Variants in IRAG2 observed in about 807,000 individuals in gnomAD.
IRAG2 encodes the protein lymphoid restricted membrane protein.
IRAG2 carries 45 observed loss-of-function variants against 69.9 expected under a neutral mutation model. The ratio of observed to expected loss-of-function variants is 0.64; its 90% confidence interval spans 0.51 to 0.83. The LOEUF (loss-of-function observed/expected upper bound fraction) is 0.83, where lower values mean the gene tolerates loss of function less well. Ranked by LOEUF, IRAG2 falls within the 40% of genes least tolerant of loss-of-function variation. The probability of loss-of-function intolerance (pLI) is 0.00; values close to 1 mark genes in which losing one functional copy is unlikely to be tolerated. For synonymous variants in IRAG2, 193 were observed against 202.4 expected (o/e 0.95, Z 0.40); for missense variants, 520 against 587.0 (o/e 0.89, Z 1.18).
chr12:25,017,018 TA>T (rs200270514), intron 5 of IRAG2: 71,332 of 568,526 alleles, frequency 0.13, 755 homozygotes, highest in East Asian at 0.19. Context: ...AGGGTAAAGT[TA>T]AAAAAAAAAA....
intron 2 of IRAG2, among the ~76,000 whole-genome samples, chr12:25,006,995 C>T (rs1944438388): frequency 6.6e-6 from 1 of 152,138 alleles, no homozygotes; most frequent in African/African-American, 2.4e-5. Context: ...CCCTGAGTAA[C>T]CATTGTTAGT....
At chr12:25,026,895 A>AT (rs535069834) in intron 9 of IRAG2, 34 of 1,106,466 alleles carry the variant, frequency 3.1e-5, no homozygotes, top group African/African-American at 6.5e-5. Flanking sequence ...CTGGTAAAAT[A>AT]TTTTTTTTCT....
chr12:25,081,108 A>G (rs1466265082), intron 9 of IRAG2, among the ~76,000 whole-genome samples: 1 of 152,188 alleles, frequency 6.6e-6, no homozygotes, highest in Non-Finnish European at 1.5e-5. Flanking sequence ...AATAAAATAG[A>G]ACAATTTTGA....
the IRAG2 span, among the ~76,000 whole-genome samples, chr12:24,999,201 A>G: frequency 1.3e-5 from 2 of 152,246 alleles, no homozygotes; most frequent in African/African-American, 4.8e-5. Context: ...GTAGATTTCT[A>G]TAAGTCCCAA....
At chr12:25,004,636 A>G in exon 1 of IRAG2, 5 of 1,231,946 alleles carry the variant, frequency 4.1e-6, no homozygotes, top group Non-Finnish European at 5.1e-6. Context: ...AACCCCATCC[A>G]CCTCTCACCT....
intron 15 of IRAG2, chr12:25,036,782 A>G: frequency 2.5e-6 from 1 of 396,146 alleles, no homozygotes; most frequent in Non-Finnish European, 4.5e-6. Flanking sequence ...ACTTTATTGT[A>G]GTCTTCTGCT....
intron 5 of IRAG2, among the ~76,000 whole-genome samples, chr12:25,016,450 C>T (rs376789589): frequency 6.6e-4 from 100 of 152,168 alleles, no homozygotes; most frequent in African/African-American, 2.3e-3. Context: ...CCTAGGTAAA[C>T]CTGCCGAGAT....
chr12:25,061,679 GT>G, intron 2 of IRAG2, 26 bp downstream of exon 2: 1 of 398,548 alleles, frequency 2.5e-6, no homozygotes, highest in Non-Finnish European at 4.4e-6. Context: ...TATGTGTTCA[GT>G]TACTGTGGAG....
chr12:25,026,933 G>A (rs1944626542), intron 9 of IRAG2: 1 of 735,656 alleles, frequency 1.4e-6, no homozygotes. Context: ...TTATGAAAAT[G>A]TCTATGCCTC....
At chr12:25,020,732 T>A (rs1944571630) in intron 6 of IRAG2, 2 of 798,926 alleles carry the variant, frequency 2.5e-6, no homozygotes, top group South Asian at 6.5e-5. Flanking sequence ...CTGTTCTTAG[T>A]GTCTTTGACG....
intron 16 of IRAG2, among the ~76,000 whole-genome samples, chr12:25,039,751 A>C (rs1944732836): frequency 6.6e-6 from 1 of 152,104 alleles, no homozygotes; most frequent in African/African-American, 2.4e-5. Context: ...TTTAGCAACA[A>C]AGAACTATTT....
chr12:25,032,232 G>C, intron 11 of IRAG2: 1 of 399,032 alleles, frequency 2.5e-6, no homozygotes, highest in Non-Finnish European at 4.4e-6. Flanking sequence ...CTCACACCTT[G>C]CAAGGTGGGC....
chr12:25,000,146 A>G (rs1944380849), upstream of IRAG2, among the ~76,000 whole-genome samples: 1 of 152,246 alleles, frequency 6.6e-6, no homozygotes, highest in Non-Finnish European at 1.5e-5. Flanking sequence ...AGGGATGGAT[A>G]TTAAAACTAC....
chr12:25,017,680 T>C (rs1205251591), intron 6 of IRAG2, among the ~76,000 whole-genome samples: 1 of 151,552 alleles, frequency 6.6e-6, no homozygotes, highest in Non-Finnish European at 1.5e-5. Flanking sequence ...ATCGTGCCAC[T>C]GCATTCCAGC....
At chr12:25,057,273 T>TTTG (rs1945325258) in intron 1 of IRAG2, among the ~76,000 whole-genome samples, 1 of 147,820 alleles carries the variant, frequency 6.8e-6, no homozygotes, top group Non-Finnish European at 1.5e-5. Context: ...TTTTTTTTTT[T>TTTG]TTTGAGACAG....
At chr12:25,105,594 A>C (rs1949027243) in intron 20 of IRAG2, among the ~76,000 whole-genome samples, 1 of 151,952 alleles carries the variant, frequency 6.6e-6, no homozygotes, top group African/African-American at 2.4e-5. Flanking sequence ...ATGTGTTACA[A>C]ACTCTTTTCA....
chr12:25,058,753 A>G (rs1014621963), intron 1 of IRAG2, among the ~76,000 whole-genome samples: 1 of 152,224 alleles, frequency 6.6e-6, no homozygotes, highest in Non-Finnish European at 1.5e-5. Flanking sequence ...CAATGTATCC[A>G]AGACACCTGG....
chr12:25,076,807 C>T (rs927995916), intron 6 of IRAG2, among the ~76,000 whole-genome samples: 2 of 151,974 alleles, frequency 1.3e-5, no homozygotes, highest in Admixed American at 6.6e-5. Context: ...TGAAGGGTTA[C>T]ACTCAATAAA....
chr12:25,011,237 G>A, intron 2 of IRAG2: 1 of 722,282 alleles, frequency 1.4e-6, no homozygotes, highest in African/African-American at 1.8e-5. Context: ...AATATACCAT[G>A]CCAGCTCCGC....
Sources: allele counts gnomAD v4.1 joint callset (sites outside exome capture counted in the v4.1 genomes callset), GRCh38; gene constraint gnomAD v4.1.1; transcripts MANE v1.5; gene names NCBI Gene and HGNC (gene_info 2026-07-23, HGNC 2026-07-21).